ANKMY1: variants seen among roughly 807,000 people sequenced by gnomAD.
The protein encoded by ANKMY1 is ankyrin repeat and MYND domain-containing protein 1.
In ANKMY1, 98 loss-of-function variants were observed where a neutral mutation model predicts 102.0. The observed-to-expected ratio is 0.96, with a 90% CI of 0.82 to 1.14. The LOEUF is 1.14. Ranked by LOEUF, ANKMY1 falls within the 50% of genes most tolerant of loss-of-function variation. The pLI is 0.00. For synonymous variants in ANKMY1, 582 were observed against 559.9 expected (o/e 1.04, Z -0.56); for missense variants, 1,330 against 1,347.6 (o/e 0.99, Z 0.20).
the ANKMY1 span, among the ~76,000 whole-genome samples, chr2:240,473,019 G>A: frequency 6.6e-6 from 1 of 151,538 alleles, no homozygotes; most frequent in Non-Finnish European, 1.5e-5. Context: ...CACTACTCAG[G>A]AGGCTGAGGT....
At chr2:240,481,496 G>A (rs1347626721) in intron 16 of ANKMY1, among the ~76,000 whole-genome samples, 1 of 152,204 alleles carries the variant, frequency 6.6e-6, no homozygotes, top group Non-Finnish European at 1.5e-5. Flanking sequence ...GCAGGGCATG[G>A]AGGCTGCCTT....
intron 4 of ANKMY1, among the ~76,000 whole-genome samples, chr2:240,551,088 A>G (rs1240096220): frequency 2.0e-5 from 3 of 152,066 alleles, no homozygotes; most frequent in Non-Finnish European, 4.4e-5. Flanking sequence ...TGCTCACCCA[A>G]TATGACACAG....
chr2:240,543,244 T>G (rs1307803091), intron 4 of ANKMY1, among the ~76,000 whole-genome samples: 2 of 151,378 alleles, frequency 1.3e-5, no homozygotes, highest in East Asian at 1.9e-4. Flanking sequence ...TCCCAGCTAC[T>G]CGGGAGGCTG....
At position 240,520,937 on chromosome 2, in the gene ANKMY1, CCACACAAA is replaced by C. The variant is rs151122032; in HGVS notation, c.1833-412_1833-405del. On this transcript the variant is annotated intron_variant, in intron 8 of 17. Transcript: ENST00000401804. The surrounding 1 kb of genome is among the most constrained non-coding windows in gnomAD (Gnocchi z 4.8). ...ACCACACTACACATACAGCACACAA[CCACACAAA>C]CCACACACACACCACACACACCACT... 0.033 allele frequency among the ~76,000 whole-genome samples: 4,966 copies of C among 151,814 alleles called. 112 individuals carry two copies. The highest frequency in any genetic ancestry group is 0.13 in the Middle Eastern group (39 of 294).
rs1559327156 is a variant in ANKMY1 at position 240,525,865 on chromosome 2, G to GC, written c.1171-17dup. 2 of 1,612,600 alleles carry GC rather than the reference G, an allele frequency of 1.2e-6. No individual in the cohort carries two copies. The highest frequency in any genetic ancestry group is 2.7e-5 in the African/African-American group (2 of 74,996). ...GGCAGTGAGTCTGGAGGGAGATGAG[G>GC]CAGGACTCAGGATGATGCACCTGGC... On this transcript the variant is annotated splice_polypyrimidine_tract_variant and intron_variant, in intron 6 of 17. Coordinates refer to ENST00000401804, the MANE Select transcript of ANKMY1 (RefSeq NM_001282771.3).
At chr2:240,507,888 G>T (rs535096068) in intron 12 of ANKMY1, 197 bp from the exon 13 acceptor site, 7 of 551,118 alleles carry the variant, frequency 1.3e-5, no homozygotes, top group Admixed American at 4.3e-5. Flanking sequence ...GATGCTGGGC[G>T]GGGAGGGGTC....
At chr2:240,472,511 C>T in the ANKMY1 span, among the ~76,000 whole-genome samples, 1 of 152,232 alleles carries the variant, frequency 6.6e-6, no homozygotes, top group African/African-American at 2.4e-5. Flanking sequence ...TCAGTCCTGC[C>T]TGTCAGGGAC....
At chr2:240,501,848 C>T (rs1156699658) in intron 13 of ANKMY1, among the ~76,000 whole-genome samples, 1 of 152,206 alleles carries the variant, frequency 6.6e-6, no homozygotes, top group Non-Finnish European at 1.5e-5. Flanking sequence ...CAGGCAAGGC[C>T]TACGCCAGGC....
rs191802532 is a variant in ANKMY1, at chr2:240,501,885, C to T, written c.2527-1320G>A. Among the ~76,000 whole-genome samples, 487 of 152,320 alleles carry T rather than the reference C, an allele frequency of 3.2e-3. 2 individuals carry two copies. Among genetic ancestry groups the T allele is most frequent in the African/African-American group, 0.011 (471 of 41,560 alleles). ...GAGGAGGAGGCTGCTTTCCACTGCT[C>T]CTGAGGATGGAGCCAGCCAGATCCA... On this transcript the variant is annotated intron_variant, in intron 13 of 17. Transcript: ENST00000401804.
intron 6 of ANKMY1, 96 bp from the exon 7 acceptor site, chr2:240,525,945 A>G: frequency 7.1e-7 from 1 of 1,414,942 alleles, no homozygotes; most frequent in Non-Finnish European, 9.7e-7. Flanking sequence ...AGGCCACCCT[A>G]TGGCAGGGCA....
the ANKMY1 span, among the ~76,000 whole-genome samples, chr2:240,469,732 A>G: frequency 6.6e-6 from 1 of 152,014 alleles, no homozygotes; most frequent in African/African-American, 2.4e-5. Flanking sequence ...ACACATATCC[A>G]TACACGTGCA....
At position 240,520,505 on chromosome 2, in the gene ANKMY1, G is replaced by C. The variant is rs778224056; in HGVS notation, c.1861C>G (p.Leu621Val). ...ERRKRWRTIK[L>V]LLRRGADPNL... is the part of the protein sequence containing the mutation. ...GGGTCCGCGCCCCGGCGCAGCAGCA[G>C]CTTGATGGTCCGCCAGCGCTTCCTC... The change falls in exon 9 of 18, where the codon CTG becomes GTG. Residue 621 changes from leucine (L) to valine (V), a missense_variant. Leu to Val is a conservative substitution (Grantham distance 32, BLOSUM62 1). Coordinates refer to ENST00000401804, the MANE Select transcript of ANKMY1 (RefSeq NM_001282771.3). This position sits in a 1 kb window ranked among gnomAD's most constrained non-coding sequence, Gnocchi z 4.8. 8.1e-6 allele frequency: 13 copies of C among 1,612,948 alleles called. No homozygotes were observed. The South Asian group carries it at 1.3e-4, about 16-fold the overall frequency.
At chr2:240,513,204 C>T (rs2080574703) in intron 9 of ANKMY1, among the ~76,000 whole-genome samples, 1 of 152,192 alleles carries the variant, frequency 6.6e-6, no homozygotes, top group East Asian at 1.9e-4. Flanking sequence ...AAGGCCCACC[C>T]TGAACCAGTG....
At chr2:240,556,991 G>A (rs947989896) in intron 2 of ANKMY1, among the ~76,000 whole-genome samples, 199 bp downstream of exon 2, 1 of 149,822 alleles carries the variant, frequency 6.7e-6, no homozygotes. Context: ...AGGGACATGA[G>A]AAGGTTCCAA....
intron 9 of ANKMY1, among the ~76,000 whole-genome samples, chr2:240,515,406 G>A (rs1161658427): frequency 6.6e-6 from 1 of 151,996 alleles, no homozygotes; most frequent in Non-Finnish European, 1.5e-5. Flanking sequence ...GTGGCGGCAG[G>A]CGCCTGTAAT....
chr2:240,539,421 G>A (rs145546601), intron 4 of ANKMY1, among the ~76,000 whole-genome samples: 14 of 152,146 alleles, frequency 9.2e-5, no homozygotes, highest in African/African-American at 3.1e-4. Flanking sequence ...CCATGAACCC[G>A]CCAGAAGGAA....
chr2:240,545,145 C>A (rs1035828736), intron 4 of ANKMY1, among the ~76,000 whole-genome samples: 1 of 152,250 alleles, frequency 6.6e-6, no homozygotes, highest in African/African-American at 2.4e-5. Flanking sequence ...GTTCTCCCAG[C>A]ACGCAGCTGG....
At chr2:240,519,251 T>C (rs1252746100) in intron 9 of ANKMY1, among the ~76,000 whole-genome samples, 1 of 152,304 alleles carries the variant, frequency 6.6e-6, no homozygotes, top group Non-Finnish European at 1.5e-5. Context: ...GATGGGTGGA[T>C]GCACTGAACG....
rs1212611632 is a variant in ANKMY1, at chr2:240,529,514, C to T, written c.481-5G>A. ...CTGGTCCGCTTTGTATAGCCCCTGC[C>T]AAGGAAGCGCAATAGACCGAGGAGA... On this transcript the variant is annotated splice_region_variant and splice_polypyrimidine_tract_variant and intron_variant, in intron 4 of 17. Transcript: ENST00000401804. The surrounding 1 kb of genome is among the most constrained non-coding windows in gnomAD (Gnocchi z 4.2). 2.5e-6 allele frequency: 4 copies of T among 1,606,052 alleles called. No homozygotes were observed. The highest frequency in any genetic ancestry group is 1.7e-5 in the Admixed American group (1 of 59,438).
Sources: gnomAD v4.1 joint callset for allele counts (sites outside exome capture counted in the v4.1 genomes callset) on GRCh38, gnomAD v4.1.1 for gene constraint, Gnocchi (gnomAD v3.1) non-coding constraint, MANE v1.5 for transcripts, NCBI Gene and HGNC (gene_info 2026-07-23, HGNC 2026-07-21) for gene names.